The following RXRG variants were observed in gnomAD, a reference collection of about 807,000 sequenced individuals.
The protein encoded by RXRG is retinoid X receptor gamma.
A neutral mutation model predicts 49.2 loss-of-function variants in RXRG; 19 were observed. The ratio of observed to expected loss-of-function variants is 0.39; its 90% CI spans 0.27 to 0.57. The LOEUF (loss-of-function observed/expected upper bound fraction) is 0.57, where lower values mean the gene tolerates loss of function less well. Ranked by LOEUF, RXRG falls within the 20% of genes least tolerant of loss-of-function variation. The probability of loss-of-function intolerance (pLI) is 0.64; values close to 1 mark genes in which losing one functional copy is unlikely to be tolerated. For synonymous variants in RXRG, 224 were observed against 216.6 expected (o/e 1.03, Z -0.30); for missense variants, 452 against 592.5 (o/e 0.76, Z 2.46).
chr1:165,402,948 C>G (rs1657632244), intron 9 of RXRG, among the ~76,000 whole-genome samples: 2 of 152,176 alleles, frequency 1.3e-5, no homozygotes, highest in Admixed American at 6.5e-5. Flanking sequence ...CTCTTACACA[C>G]ACGTGCATGC....
At chr1:165,422,541 C>T (rs547510309) in intron 2 of RXRG, among the ~76,000 whole-genome samples, 1 of 152,264 alleles carries the variant, frequency 6.6e-6, no homozygotes, top group East Asian at 1.9e-4. Context: ...TAGTGATGGG[C>T]AGAAGGCTTT....
Position 165,410,934 on chromosome 1 carries a change from T to C in RXRG, c.783+15A>G. Reference sequence around the variant, plus strand: ...CCAAGAAATGGAACACACATGTGTGTCTAAGAGCACATACCGAGTTCTCCA... The same window carrying C: ...CCAAGAAATGGAACACACATGTGTGCCTAAGAGCACATACCGAGTTCTCCA... On this transcript the variant is annotated intron_variant, in intron 5 of 9. Coordinates refer to ENST00000359842, the MANE Select transcript of RXRG (RefSeq NM_006917.5). The C allele has an allele frequency of 6.2e-7, 1 of 1,614,032 alleles. No homozygotes were observed. Among genetic ancestry groups the C allele is most frequent in the Non-Finnish European group, 8.5e-7 (1 of 1,179,936 alleles).
At chr1:165,435,045 C>A (rs1161774201) in intron 1 of RXRG, among the ~76,000 whole-genome samples, 1 of 152,152 alleles carries the variant, frequency 6.6e-6, no homozygotes, top group Non-Finnish European at 1.5e-5. Context: ...TCTAGAAATC[C>A]CAAATCCAAA....
At chr1:165,431,249 A>G (rs994411012) in intron 1 of RXRG, among the ~76,000 whole-genome samples, 4 of 152,216 alleles carry the variant, frequency 2.6e-5, no homozygotes, top group East Asian at 1.9e-4. Flanking sequence ...CAAGAGTACA[A>G]GATGACTCAA....
chr1:165,426,658 C>A (rs916463693), intron 2 of RXRG, among the ~76,000 whole-genome samples: 1 of 152,178 alleles, frequency 6.6e-6, no homozygotes, highest in African/African-American at 2.4e-5. Flanking sequence ...AGCCCTTCCT[C>A]CTCTCTAAAA....
At chr1:165,439,749 C>T (rs192558) in intron 1 of RXRG, among the ~76,000 whole-genome samples, 66,284 of 152,142 alleles carry the variant, frequency 0.44, 15,078 homozygotes, top group East Asian at 0.72. Context: ...TAATGTCTAA[C>T]ATCTTGTTTT....
intron 1 of RXRG, among the ~76,000 whole-genome samples, chr1:165,435,016 A>T (rs138903418): frequency 4.9e-4 from 75 of 152,320 alleles, no homozygotes; most frequent in Non-Finnish European, 8.7e-4. Flanking sequence ...AACACTTTAT[A>T]CATGTTGAGC....
At chr1:165,437,073 T>A in intron 1 of RXRG, 1 of 1,336,190 alleles carries the variant, frequency 7.5e-7, no homozygotes, top group South Asian at 1.2e-5. Context: ...CCTTTGCTCC[T>A]CCTTTTCATT....
At chr1:165,435,352 G>A (rs1353531305) in intron 1 of RXRG, among the ~76,000 whole-genome samples, 3 of 152,154 alleles carry the variant, frequency 2.0e-5, no homozygotes, top group Non-Finnish European at 4.4e-5. Context: ...TGGAAATAAG[G>A]TACTATTAGT....
intron 2 of RXRG, among the ~76,000 whole-genome samples, chr1:165,424,410 T>C (rs1364153551): frequency 6.6e-6 from 1 of 152,250 alleles, no homozygotes; most frequent in Non-Finnish European, 1.5e-5. Flanking sequence ...AAGTTACTGC[T>C]ATAGAGCATC....
intron 8 of RXRG, 116 bp downstream of exon 8, chr1:165,408,111 C>G (rs1657816466): frequency 1.2e-6 from 1 of 810,434 alleles, no homozygotes; most frequent in Non-Finnish European, 2.1e-6. Context: ...TCCTGGATTC[C>G]TGGCTCTGCC....
At chr1:165,412,091 A>G (rs897944681) in intron 4 of RXRG, among the ~76,000 whole-genome samples, 3 of 152,162 alleles carry the variant, frequency 2.0e-5, no homozygotes, top group African/African-American at 4.8e-5. Context: ...CTTCCTCCCC[A>G]TAGTCCACTT....
chr1:165,420,906 G>A (rs2101724727), intron 2 of RXRG, among the ~76,000 whole-genome samples: 1 of 152,354 alleles, frequency 6.6e-6, no homozygotes, highest in East Asian at 1.9e-4. Flanking sequence ...CGAAGGTGGT[G>A]CAGGATATGC....
intron 2 of RXRG, among the ~76,000 whole-genome samples, chr1:165,427,754 G>T (rs1658537505): frequency 6.6e-6 from 1 of 152,190 alleles, no homozygotes; most frequent in Non-Finnish European, 1.5e-5. Flanking sequence ...AATCAGTCAT[G>T]GTTTTCTTAG....
At chr1:165,431,860 T>A (rs186182367) in intron 1 of RXRG, among the ~76,000 whole-genome samples, 1 of 152,220 alleles carries the variant, frequency 6.6e-6, no homozygotes, top group South Asian at 2.1e-4. Flanking sequence ...GTTTTATATT[T>A]ATGCTTTCTG....
intron 2 of RXRG, chr1:165,424,725 C>G (rs931554201): frequency 3.4e-5 from 33 of 964,226 alleles, no homozygotes; most frequent in Admixed American, 6.2e-5. Context: ...ACTTCCTCCT[C>G]CCTTCACCCC....
chr1:165,419,343 A>G (rs1658233854), intron 3 of RXRG, among the ~76,000 whole-genome samples: 1 of 151,702 alleles, frequency 6.6e-6, no homozygotes, highest in African/African-American at 2.4e-5. Context: ...CAAATCCTCT[A>G]CATTAGGACA....
At chr1:165,435,573 G>T (rs1478189370) in intron 1 of RXRG, among the ~76,000 whole-genome samples, 1 of 152,104 alleles carries the variant, frequency 6.6e-6, no homozygotes, top group Non-Finnish European at 1.5e-5. Flanking sequence ...GCCCCAAATG[G>T]GTGGATTATA....
intron 2 of RXRG, among the ~76,000 whole-genome samples, chr1:165,420,251 C>A (rs1658267826): frequency 6.6e-6 from 1 of 152,200 alleles, no homozygotes; most frequent in Admixed American, 6.5e-5. Flanking sequence ...CACAACACAT[C>A]TCCATTAGAG....
Sources: gnomAD v4.1 joint callset for allele counts (sites outside exome capture counted in the v4.1 genomes callset) on GRCh38, gnomAD v4.1.1 for gene constraint, MANE v1.5 for transcripts, NCBI Gene and HGNC (gene_info 2026-07-23, HGNC 2026-07-21) for gene names.